The following MDGA2 variants were observed in gnomAD, a reference collection of about 807,000 sequenced individuals.
MDGA2 encodes the protein MAM domain containing glycosylphosphatidylinositol anchor 2.
A neutral mutation model predicts 117.8 loss-of-function variants in MDGA2; 40 were observed. The observed-to-expected ratio is 0.34, with a 90% CI of 0.26 to 0.44. MDGA2 has a LOEUF of 0.44. Among genes scored for constraint, MDGA2 ranks in the 20% least tolerant of loss-of-function variants. The pLI, the probability that MDGA2 is intolerant of heterozygous loss-of-function variation, is 1.00. For missense variants in MDGA2, 1,123 were observed against 1,250.6 expected (o/e 0.90, Z 1.54); for synonymous variants, 452 against 439.0 (o/e 1.03, Z -0.37).
intron 1 of MDGA2, among the ~76,000 whole-genome samples, chr14:47,482,424 T>A (rs1416954046): frequency 6.6e-6 from 1 of 152,106 alleles, no homozygotes; most frequent in Non-Finnish European, 1.5e-5. Flanking sequence ...CGGAAATTAG[T>A]TCCAGGTCTA....
At chr14:47,163,851 T>C (rs1883747796) in intron 3 of MDGA2, among the ~76,000 whole-genome samples, 1 of 152,170 alleles carries the variant, frequency 6.6e-6, no homozygotes, top group African/African-American at 2.4e-5. Context: ...CAGGAGCAAT[T>C]GTGCTAATTA....
At chr14:47,276,609 TA>T (rs138382086) in intron 2 of MDGA2, among the ~76,000 whole-genome samples, 9 of 152,066 alleles carry the variant, frequency 5.9e-5, no homozygotes, top group East Asian at 5.8e-4. Flanking sequence ...TTATCTCTGA[TA>T]AAAAAAATTC....
In MDGA2 at chr14:46,997,376, T is replaced by C. The variant is rs73239249; in HGVS notation, c.1819+37635A>G. On this transcript the variant is annotated intron_variant, in intron 8 of 16. Transcript: ENST00000399232. ...TTGACTTTTTTAAGCTCAAAGGAGA[T>C]TGATAGAGATGTATATACTAGGGCA... Among the ~76,000 whole-genome samples, 717 of 152,216 alleles carry C rather than the reference T, an allele frequency of 4.7e-3. 6 individuals are homozygous for C. The highest frequency in any genetic ancestry group is 0.016 in the African/African-American group (675 of 41,542).
intron 5 of MDGA2, among the ~76,000 whole-genome samples, chr14:47,121,307 T>C (rs1436650267): frequency 6.6e-6 from 1 of 152,130 alleles, no homozygotes; most frequent in Non-Finnish European, 1.5e-5. Flanking sequence ...AAAGTAAATA[T>C]AGAATATTCC....
intron 1 of MDGA2, among the ~76,000 whole-genome samples, chr14:47,530,473 T>C (rs993362455): frequency 6.6e-6 from 1 of 152,234 alleles, no homozygotes; most frequent in African/African-American, 2.4e-5. Flanking sequence ...AATTCTTATC[T>C]CTGTATACTG....
intron 1 of MDGA2, among the ~76,000 whole-genome samples, chr14:47,370,193 T>C (rs942864745): frequency 2.0e-5 from 3 of 151,874 alleles, no homozygotes; most frequent in African/African-American, 7.2e-5. Flanking sequence ...TTATTATGAG[T>C]GATATAATCC....
chr14:47,421,925 A>G (rs531880601), intron 1 of MDGA2, among the ~76,000 whole-genome samples: 2 of 152,202 alleles, frequency 1.3e-5, no homozygotes, highest in African/African-American at 2.4e-5. Context: ...TTTTTTTTCA[A>G]GTTAAAAAAA....
At chr14:47,653,814 G>A (rs1311500896) in intron 1 of MDGA2, among the ~76,000 whole-genome samples, 1 of 152,122 alleles carries the variant, frequency 6.6e-6, no homozygotes, top group African/African-American at 2.4e-5. Flanking sequence ...GAGATGTGAT[G>A]TTGTTAGCTT....
intron 1 of MDGA2, among the ~76,000 whole-genome samples, chr14:47,553,172 T>G (rs1342021842): frequency 5.2e-5 from 8 of 152,382 alleles, no homozygotes; most frequent in African/African-American, 1.7e-4. Flanking sequence ...TATCATCTGA[T>G]GTACTGCATA....
chr14:47,548,446 A>T (rs189230169), intron 1 of MDGA2, among the ~76,000 whole-genome samples: 17 of 151,974 alleles, frequency 1.1e-4, no homozygotes, highest in African/African-American at 3.4e-4. Context: ...TTAATGACTA[A>T]TTTTTTTGCT....
intron 15 of MDGA2, among the ~76,000 whole-genome samples, chr14:46,854,465 T>C (rs1800029318): frequency 6.6e-6 from 1 of 151,772 alleles, no homozygotes; most frequent in Non-Finnish European, 1.5e-5. Flanking sequence ...TGGCAGTCTT[T>C]ACAATTTCTA....
At chr14:47,058,511 T>C (rs538708785) in intron 7 of MDGA2, 2 of 984,030 alleles carry the variant, frequency 2.0e-6, no homozygotes, top group East Asian at 1.1e-4. Flanking sequence ...AAAATTGATA[T>C]AATCCAAGAT....
chr14:47,320,857 G>A (rs2139874345), intron 1 of MDGA2, among the ~76,000 whole-genome samples: 1 of 152,220 alleles, frequency 6.6e-6, no homozygotes, highest in South Asian at 2.1e-4. Context: ...GAGTACTTGT[G>A]TTTGCCCTAA....
At chr14:47,358,161 A>G (rs1891037316) in intron 1 of MDGA2, among the ~76,000 whole-genome samples, 1 of 152,176 alleles carries the variant, frequency 6.6e-6, no homozygotes, top group Non-Finnish European at 1.5e-5. Flanking sequence ...CCTCACCCAG[A>G]GAGGTGTCTA....
chr14:47,268,239 A>AT lies in MDGA2; in HGVS notation c.420+33171dup, dbSNP rs965884588. ...AGGCATGTGCCACTGCACCTGGCTA[A>AT]TTTTTTTGTATTTTTAGTAGAGACG... On this transcript the variant is annotated intron_variant, in intron 2 of 16. Transcript: ENST00000399232. Among the ~76,000 whole-genome samples the AT allele has an allele frequency of 7.9e-5, 12 of 151,710 alleles. No individual in the cohort carries two copies. In the South Asian group the frequency reaches 1.7e-3, roughly 21 times the overall value.
intron 3 of MDGA2, among the ~76,000 whole-genome samples, chr14:47,160,672 A>G (rs1883597388): frequency 6.6e-6 from 1 of 152,206 alleles, no homozygotes; most frequent in Non-Finnish European, 1.5e-5. Flanking sequence ...TCTAAAATAA[A>G]TGAATAAATA....
chr14:47,475,862 T>A (rs1893825437), intron 1 of MDGA2, among the ~76,000 whole-genome samples: 1 of 152,240 alleles, frequency 6.6e-6, no homozygotes, highest in Non-Finnish European at 1.5e-5. Flanking sequence ...AGAAAAGGCA[T>A]GCTGGACTTA....
chr14:47,601,737 A>C (rs991448995), intron 1 of MDGA2, among the ~76,000 whole-genome samples: 1 of 152,166 alleles, frequency 6.6e-6, no homozygotes, highest in Non-Finnish European at 1.5e-5. Context: ...ATCTGAGACA[A>C]GGTCAAAGGG....
At chr14:47,639,246 C>T (rs1333899909) in intron 1 of MDGA2, among the ~76,000 whole-genome samples, 1 of 152,088 alleles carries the variant, frequency 6.6e-6, no homozygotes, top group Non-Finnish European at 1.5e-5. Context: ...ATGTAAGCTC[C>T]ATGTGAACAG....
Sources: allele counts gnomAD v4.1 joint callset (sites outside exome capture counted in the v4.1 genomes callset), GRCh38; gene constraint gnomAD v4.1.1; transcripts MANE v1.5; gene names NCBI Gene and HGNC (gene_info 2026-07-23, HGNC 2026-07-21).